Variants in TSC22D1 observed in about 807,000 individuals in gnomAD.
TSC22D1 encodes the protein TSC22 domain family protein 1.
In TSC22D1, 9 loss-of-function variants were observed where a neutral mutation model predicts 74.2. The observed-to-expected ratio is 0.12, with a 90% CI of 0.07 to 0.21. The LOEUF is 0.21. TSC22D1 is among the 10% of genes least tolerant of loss of function. The probability of loss-of-function intolerance (pLI) is 1.00; values close to 1 mark genes in which losing one functional copy is unlikely to be tolerated. For synonymous variants in TSC22D1, 586 were observed against 492.5 expected, an observed-to-expected ratio of 1.19 and a Z score of -2.51; for missense variants, 1,427 against 1,304.7, an observed-to-expected ratio of 1.09 and a Z score of -1.44.
At chr13:44,536,655 T>C in intron 1 of TSC22D1, 1 of 844,198 alleles carries the variant, frequency 1.2e-6, no homozygotes, top group East Asian at 1.2e-4. Context: ...TTGGATGCTA[T>C]TCTGTAAGAG....
Position 44,574,275 on chromosome 13 carries a change from C to T in TSC22D1, c.1800G>A (p.Leu600=), listed in dbSNP as rs1326838392. ...ALGQQPSISS[L]AQPQLPYSQA... ...GAGAATATGGTAGCTGGGGTTGAGC[C>T]AAACTGGAAATGGAAGGCTGCTGAC... Residue 600 remains leucine, a synonymous_variant, in exon 1 of 3, where the codon TTG becomes TTA. Coordinates refer to ENST00000458659, the MANE Select transcript of TSC22D1 (RefSeq NM_183422.4). 6.2e-7 allele frequency: 1 copy of T among 1,614,192 alleles called. No homozygotes were observed. The highest frequency in any genetic ancestry group is 8.5e-7 in the Non-Finnish European group (1 of 1,180,046).
chr13:44,565,731 C>T (rs944454451), intron 1 of TSC22D1, among the ~76,000 whole-genome samples: 1 of 152,136 alleles, frequency 6.6e-6, no homozygotes, highest in Non-Finnish European at 1.5e-5. Context: ...TCTCTTTTAT[C>T]GAATTTTTTA....
At chr13:44,517,144 A>G (rs1488658004) in intron 1 of TSC22D1, among the ~76,000 whole-genome samples, 1 of 152,192 alleles carries the variant, frequency 6.6e-6, no homozygotes, top group Admixed American at 6.5e-5. Flanking sequence ...TCTAGATTAT[A>G]TGTGTGTATA....
intron 1 of TSC22D1, among the ~76,000 whole-genome samples, chr13:44,463,559 G>A (rs1248214258): frequency 2.0e-5 from 3 of 152,262 alleles, no homozygotes; most frequent in South Asian, 4.1e-4. Flanking sequence ...TCATTAGGAG[G>A]TTTGCATAAA....
Position 44,576,266 on chromosome 13 carries a change from CGAGGGT to C in TSC22D1, c.-198_-193del. On this transcript the variant is annotated 5_prime_UTR_variant, in exon 1 of 3. Coordinates refer to ENST00000458659, the MANE Select transcript of TSC22D1 (RefSeq NM_183422.4). ...AGCGAGCTTCGGAAAGGAGGATGAA[CGAGGGT>C]GAACAGGGCGGCCGGGGACCCGAAG... is the stretch of plus-strand genomic sequence containing the variant. The C allele has an allele frequency of 1.2e-6, 1 of 809,226 alleles. No individual in the cohort carries two copies. The highest frequency in any genetic ancestry group is 2.0e-5 in the South Asian group (1 of 50,528). The allele number at this position is 809,226 out of a possible 1,614,324, so 50.1% of individuals were successfully genotyped here.
chr13:44,464,308 A>AT (rs1297585224), intron 1 of TSC22D1, among the ~76,000 whole-genome samples: 1 of 152,088 alleles, frequency 6.6e-6, no homozygotes, highest in East Asian at 1.9e-4. Context: ...TCATTGTTCC[A>AT]TTTTTTTAAA....
intron 1 of TSC22D1, chr13:44,436,836 C>T (rs1289729839): frequency 7.5e-7 from 1 of 1,337,020 alleles, no homozygotes; most frequent in Non-Finnish European, 9.5e-7. Flanking sequence ...AGATCCGCAG[C>T]CGGGCTCCAC....
chr13:44,503,792 T>G (rs1879319747), intron 1 of TSC22D1, among the ~76,000 whole-genome samples: 2 of 152,200 alleles, frequency 1.3e-5, no homozygotes, highest in South Asian at 4.1e-4. Flanking sequence ...TTTCCTCCTT[T>G]TACTTGAATA....
chr13:44,472,187 G>A (rs1293898220), intron 1 of TSC22D1, among the ~76,000 whole-genome samples: 10 of 152,094 alleles, frequency 6.6e-5, no homozygotes, highest in Admixed American at 5.9e-4. Flanking sequence ...CTGAATATTG[G>A]TTTTGATCCT....
At chr13:44,544,997 A>C (rs1881727707) in intron 1 of TSC22D1, among the ~76,000 whole-genome samples, 1 of 152,186 alleles carries the variant, frequency 6.6e-6, no homozygotes, top group Non-Finnish European at 1.5e-5. Flanking sequence ...ATTGACTATA[A>C]AAAAGGATAA....
In TSC22D1 at chr13:44,575,526, G is replaced by C; in HGVS notation, c.549C>G (p.Ala183=). ...TGGGAGAGACTGCCCCAGGTGTCTCGGCTTCCTGGAAGTTATTTAGGGTCT... is the reference window on the plus strand; with the variant it reads ...TGGGAGAGACTGCCCCAGGTGTCTCCGCTTCCTGGAAGTTATTTAGGGTCT... The part of the protein sequence containing the change: ...SEETLNNFQE[A]ETPGAVSPNQ... The change falls in exon 1 of 3, where the codon GCC becomes GCG. Residue 183 remains alanine, a synonymous_variant. Coordinates refer to ENST00000458659, the MANE Select transcript of TSC22D1 (RefSeq NM_183422.4). 4 of 1,613,902 alleles carry C rather than the reference G, an allele frequency of 2.5e-6. No homozygotes were observed. The highest frequency in any genetic ancestry group is 3.4e-6 in the Non-Finnish European group (4 of 1,179,950).
intron 1 of TSC22D1, among the ~76,000 whole-genome samples, chr13:44,503,313 T>TA: frequency 1.3e-5 from 2 of 151,184 alleles, no homozygotes; most frequent in Admixed American, 1.3e-4. Flanking sequence ...CCCACACAGA[T>TA]ATCCTAAAGT....
chr13:44,540,390 G>T (rs1243340533), intron 1 of TSC22D1, among the ~76,000 whole-genome samples: 2 of 152,146 alleles, frequency 1.3e-5, no homozygotes, highest in Admixed American at 6.5e-5. Context: ...GAAAGTCTAA[G>T]AAGCTGAATT....
chr13:44,438,099 T>G (rs911138071), intron 1 of TSC22D1, among the ~76,000 whole-genome samples: 1 of 152,216 alleles, frequency 6.6e-6, no homozygotes, highest in East Asian at 1.9e-4. Flanking sequence ...CCCTGAAGTT[T>G]GCTAAATTAT....
intron 1 of TSC22D1, among the ~76,000 whole-genome samples, chr13:44,514,485 C>T (rs528884288): frequency 6.6e-6 from 1 of 152,070 alleles, no homozygotes; most frequent in Admixed American, 6.6e-5. Flanking sequence ...ATATCACTGA[C>T]AAAGGGCTAA....
chr13:44,537,909 T>C, intron 1 of TSC22D1: 3 of 985,050 alleles, frequency 3.0e-6, no homozygotes, highest in African/African-American at 3.5e-5. Flanking sequence ...CTAGAATGTC[T>C]ATTCTTAAAA....
chr13:44,435,486 C>T (rs1026336575), intron 2 of TSC22D1, among the ~76,000 whole-genome samples: 1 of 152,128 alleles, frequency 6.6e-6, no homozygotes, highest in African/African-American at 2.4e-5. Flanking sequence ...GGCGCTGCTC[C>T]AATAACAAAG....
At chr13:44,563,791 A>C (rs1429606625) in intron 1 of TSC22D1, among the ~76,000 whole-genome samples, 1 of 152,216 alleles carries the variant, frequency 6.6e-6, no homozygotes, top group African/African-American at 2.4e-5. Flanking sequence ...ACAATTTGTA[A>C]AACTGTCTCG....
chr13:44,544,447 T>C (rs1416474301), intron 1 of TSC22D1, among the ~76,000 whole-genome samples: 5 of 149,710 alleles, frequency 3.3e-5, no homozygotes, highest in Non-Finnish European at 7.4e-5. Context: ...AAACCATAAA[T>C]CTTGTGTGTA....
Sources: allele counts gnomAD v4.1 joint callset (sites outside exome capture counted in the v4.1 genomes callset), GRCh38; gene constraint gnomAD v4.1.1; transcripts MANE v1.5; gene names NCBI Gene and HGNC (gene_info 2026-07-23, HGNC 2026-07-21).